Variants in GPR84 observed in about 807,000 individuals in gnomAD.
GPR84 encodes G-protein coupled receptor 84.
Under a neutral mutation model 14.9 loss-of-function variants are expected in GPR84, and 8 were observed. That is an observed-to-expected ratio of 0.54 (90% CI 0.31 to 0.97). The LOEUF (loss-of-function observed/expected upper bound fraction) is 0.97, where lower values mean the gene tolerates loss of function less well. GPR84 is among the 50% of genes least tolerant of loss of function. GPR84 has a pLI of 0.04. For synonymous variants in GPR84, 164 were observed against 198.1 expected (o/e 0.83, Z 1.45); for missense variants, 424 against 498.7 (o/e 0.85, Z 1.43).
Position 54,362,835 on chromosome 12 carries a change from G to C in GPR84, c.1017C>G (p.Asn339Lys). ...ALSYIPFLLL[N>K]ILDARVQAPR... Reference sequence around the variant, plus strand: ...GAGCCTGGACTCTGGCATCCAGAATGTTGAGCAGCAAGAAGGGGATGTAGC... The same window carrying C: ...GAGCCTGGACTCTGGCATCCAGAATCTTGAGCAGCAAGAAGGGGATGTAGC... Residue 339 changes from asparagine (N) to lysine (K), a missense_variant, in exon 2 of 2, where the codon AAC becomes AAG. Physicochemically the swap from Asn to Lys is moderately conservative, Grantham distance 94. Coordinates refer to ENST00000267015, the MANE Select transcript of GPR84 (RefSeq NM_020370.3). The surrounding 1 kb of genome is among the most constrained non-coding windows in gnomAD (Gnocchi z 4.0). The C allele has an allele frequency of 6.2e-7, 1 of 1,614,244 alleles. No homozygotes were observed. The highest frequency in any genetic ancestry group is 1.1e-5 in the South Asian group (1 of 91,078).
downstream of GPR84, among the ~76,000 whole-genome samples, chr12:54,360,767 AG>A (rs1954260295): frequency 6.6e-6 from 1 of 152,216 alleles, no homozygotes; most frequent in African/African-American, 2.4e-5. Context: ...ATGCAGCCAG[AG>A]CATTAAGGTC....
the GPR84 span, among the ~76,000 whole-genome samples, chr12:54,352,047 AGGGGT>A: frequency 6.6e-6 from 1 of 151,688 alleles, no homozygotes; most frequent in African/African-American, 2.4e-5. Context: ...AATTGGCGCC[AGGGGT>A]GGGGTGGGGA....
chr12:54,362,719 C>A lies in GPR84; in HGVS notation c.1133G>T (p.Arg378Leu), dbSNP rs137983696. 1 of 1,613,800 alleles carries A rather than the reference C, an allele frequency of 6.2e-7. No homozygotes were observed. The highest frequency in any genetic ancestry group is 8.5e-7 in the Non-Finnish European group (1 of 1,179,782). Residue 378 changes from arginine to leucine, a missense_variant, in exon 2 of 2, where the codon CGC becomes CTC. Physicochemically the swap from Arg to Leu is moderately radical, Grantham distance 102. Coordinates refer to ENST00000267015, the MANE Select transcript of GPR84 (RefSeq NM_020370.3). The surrounding 1 kb of genome is among the most constrained non-coding windows in gnomAD (Gnocchi z 4.0). ...TTTTAAAATGGAGCCATATGCTTGG[C>A]GGAATTGGCGGTTCATGGCTGCATA... is the stretch of plus-strand genomic sequence containing the variant. ...VLYAAMNRQF[R>L]QAYGSILKRG... is the part of the protein sequence containing the mutation.
chr12:54,362,569 C>T lies in GPR84; in HGVS notation c.*92G>A, dbSNP rs1954280134. The T allele has an allele frequency of 5.2e-6, 4 of 775,686 alleles. No individual in the cohort carries two copies. Among genetic ancestry groups the T allele is most frequent in the Admixed American group, 4.6e-5 (2 of 43,224 alleles). The allele number at this position is 775,686 out of a possible 1,614,324, so 48.1% of individuals were successfully genotyped here. A position where few individuals can be genotyped will look rare whatever the true frequency, so the allele number is the denominator to read the frequency against. On this transcript the variant is annotated 3_prime_UTR_variant, in exon 2 of 2. Coordinates refer to ENST00000267015, the MANE Select transcript of GPR84 (RefSeq NM_020370.3). This position sits in a 1 kb window ranked among gnomAD's most constrained non-coding sequence, Gnocchi z 4.0. The stretch of plus-strand genomic sequence containing the variant: ...CTGGGGAGAGATTGTTGTGAAAATG[C>T]CCACATGTGTTATTTCACCTATTCT...
At chr12:54,357,647 T>G (rs971592924), downstream of GPR84, among the ~76,000 whole-genome samples, 2 of 152,212 alleles carry the variant, frequency 1.3e-5, no homozygotes, top group Non-Finnish European at 2.9e-5. Context: ...GAGCCCCACA[T>G]TCCTAGCCTC....
chr12:54,363,244 C>A lies in GPR84; in HGVS notation c.608G>T (p.Arg203Leu), dbSNP rs140399283. Residue 203 changes from arginine to leucine, a missense_variant, in exon 2 of 2, where the codon CGC (arginine) becomes CTC (leucine). Coordinates refer to ENST00000267015, the MANE Select transcript of GPR84 (RefSeq NM_020370.3). Reference sequence around the variant, plus strand: ...TGCCTGTGCTGCTCGTTTGACCTGGCGGTGGATGAGGCAATAGAAGATGCC... The same window carrying A: ...TGCCTGTGCTGCTCGTTTGACCTGGAGGTGGATGAGGCAATAGAAGATGCC... ...SVGIFYCLIH[R>L]QVKRAAQALD... 1 of 1,614,084 alleles carries A rather than the reference C, an allele frequency of 6.2e-7. No homozygotes were observed. The highest frequency in any genetic ancestry group is 8.5e-7 in the Non-Finnish European group (1 of 1,180,010).
At chr12:54,353,291 C>G in the GPR84 span, among the ~76,000 whole-genome samples, 1 of 152,208 alleles carries the variant, frequency 6.6e-6, no homozygotes, top group Non-Finnish European at 1.5e-5. Context: ...CTCTGTCTTT[C>G]TGTTTGTGAG....
chr12:54,362,946 T>C lies in GPR84; in HGVS notation c.906A>G (p.Lys302=). ...AAGAATCCGGAGCTCTTCTGGCTCC[T>C]TTAATTGGCTGGGCTTTGGCAGATG... ...PEASAKAQPI[K]GARRAPDSSS... Residue 302 remains lysine, a synonymous_variant, in exon 2 of 2, where the codon AAA becomes AAG. Transcript: ENST00000267015. This position sits in a 1 kb window ranked among gnomAD's most constrained non-coding sequence, Gnocchi z 4.0. The C allele has an allele frequency of 6.2e-7, 1 of 1,614,236 alleles. No individual in the cohort carries two copies. The highest frequency in any genetic ancestry group is 8.5e-7 in the Non-Finnish European group (1 of 1,180,038).
chr12:54,363,153 G>C lies in GPR84; in HGVS notation c.699C>G (p.Ala233=). ...HSNHVARTDE[A]MPGRFQELDS... ...CCAGCTCCTGGAAACGACCAGGCAT[G>C]GCCTCATCAGTCCTGGCCACATGGT... is the stretch of plus-strand genomic sequence containing the variant. Residue 233 remains alanine (A), a synonymous_variant, in exon 2 of 2, where the codon GCC becomes GCG. Transcript: ENST00000267015. 6.2e-7 allele frequency: 1 copy of C among 1,614,178 alleles called. No individual in the cohort carries two copies. The highest frequency in any genetic ancestry group is 8.5e-7 in the Non-Finnish European group (1 of 1,180,020).
rs1462715453 is a variant in GPR84 at position 54,362,628 on chromosome 12, C to T, written c.*33G>A. On this transcript the variant is annotated 3_prime_UTR_variant, in exon 2 of 2. Transcript: ENST00000267015. The surrounding 1 kb of genome is among the most constrained non-coding windows in gnomAD (Gnocchi z 4.0). ...CTGGCCACTTTGGTCCTGGAGGAGACAGTCCTGAATTCTGGTGACTAGGGT... is the reference window on the plus strand; with the variant it reads ...CTGGCCACTTTGGTCCTGGAGGAGATAGTCCTGAATTCTGGTGACTAGGGT... The T allele has an allele frequency of 1.4e-6, 2 of 1,417,018 alleles. No homozygotes were observed. The highest frequency in any genetic ancestry group is 1.4e-5 in the African/African-American group (1 of 69,880). 87.8% of individuals were successfully genotyped at this position (1,417,018 alleles called of 1,614,324 possible). A position where few individuals can be genotyped will look rare whatever the true frequency, so the allele number is the denominator to read the frequency against.
Position 54,362,651 on chromosome 12 carries a change from G to A in GPR84, c.*10C>T. On this transcript the variant is annotated 3_prime_UTR_variant, in exon 2 of 2. Transcript: ENST00000267015. The surrounding 1 kb of genome is among the most constrained non-coding windows in gnomAD (Gnocchi z 4.0). ...GACAGTCCTGAATTCTGGTGACTAG[G>A]GTCACAGTTCTAATGGAGCCTATGG... 1 of 1,550,400 alleles carries A rather than the reference G, an allele frequency of 6.4e-7. No individual in the cohort carries two copies. The highest frequency in any genetic ancestry group is 8.8e-7 in the Non-Finnish European group (1 of 1,132,250).
chr12:54,355,174 A>G, the GPR84 span, among the ~76,000 whole-genome samples: 1 of 152,114 alleles, frequency 6.6e-6, no homozygotes, highest in Non-Finnish European at 1.5e-5. Flanking sequence ...GGAGAATGAG[A>G]GACACAAAGA....
At chr12:54,359,723 A>C (rs1194526490), downstream of GPR84, among the ~76,000 whole-genome samples, 1 of 152,176 alleles carries the variant, frequency 6.6e-6, no homozygotes, top group Non-Finnish European at 1.5e-5. Flanking sequence ...CGAGGGACCC[A>C]GTGCATGGCC....
the GPR84 span, among the ~76,000 whole-genome samples, chr12:54,352,366 A>T: frequency 1.3e-5 from 2 of 152,052 alleles, no homozygotes; most frequent in Non-Finnish European, 2.9e-5. Context: ...TTATTCGCAC[A>T]AATGAATGTG....
downstream of GPR84, among the ~76,000 whole-genome samples, chr12:54,358,284 G>A (rs1954229529): frequency 6.6e-6 from 1 of 152,116 alleles, no homozygotes; most frequent in South Asian, 2.1e-4. Context: ...TCCTGGGGGA[G>A]GCGCCTGACT....
downstream of GPR84, among the ~76,000 whole-genome samples, chr12:54,362,014 C>T (rs182679071): frequency 7.5e-4 from 115 of 152,338 alleles, no homozygotes; most frequent in Non-Finnish European, 1.5e-3. The surrounding 1 kb of genome is among the most constrained non-coding windows in gnomAD (Gnocchi z 4.0). Context: ...GGCTGGGGGA[C>T]TGGTCCCACT....
Position 54,363,155 on chromosome 12 carries a change from C to A in GPR84, c.697G>T (p.Ala233Ser). 4 of 1,614,194 alleles carry A rather than the reference C, an allele frequency of 2.5e-6. No individual in the cohort carries two copies. Among genetic ancestry groups the A allele is most frequent in the Non-Finnish European group, 3.4e-6 (4 of 1,180,022 alleles). Residue 233 changes from alanine to serine, a missense_variant, in exon 2 of 2, where the codon GCC becomes TCC. Ala to Ser is a moderately conservative substitution (Grantham distance 99). Coordinates refer to ENST00000267015, the MANE Select transcript of GPR84 (RefSeq NM_020370.3). ...HSNHVARTDE[A>S]MPGRFQELDS... is the part of the protein sequence containing the mutation. ...AGCTCCTGGAAACGACCAGGCATGG[C>A]CTCATCAGTCCTGGCCACATGGTTG...
Position 54,363,900 on chromosome 12 carries a change from C to T in GPR84, c.-8-41G>A, listed in dbSNP as rs1197118078. Reference sequence around the variant, plus strand: ...GTGGAAGAGGAAGAGGGAATCAGAACCTAGCATTCAACTTAGATCTCTTGA... The same window carrying T: ...GTGGAAGAGGAAGAGGGAATCAGAATCTAGCATTCAACTTAGATCTCTTGA... On this transcript the variant is annotated intron_variant, in intron 1 of 1. Coordinates refer to ENST00000267015, the MANE Select transcript of GPR84 (RefSeq NM_020370.3). 3 of 1,337,314 alleles carry T rather than the reference C, an allele frequency of 2.2e-6. No homozygotes were observed. The East Asian group carries it at 7.0e-5, about 31-fold the overall frequency. 82.8% of individuals were successfully genotyped at this position (1,337,314 alleles called of 1,614,324 possible).
Position 54,363,107 on chromosome 12 carries a change from C to G in GPR84, c.745G>C (p.Gly249Arg). ...TCAGATGAAATCCCCTCACTGGGTC[C>G]TCCTGATGCTAACCTGCTGTCCAGC... ...QELDSRLASG[G>R]PSEGISSEPV... Residue 249 changes from glycine to arginine, a missense_variant, in exon 2 of 2, where the codon GGA becomes CGA. By Grantham distance (125) the Gly-to-Arg change is moderately radical (BLOSUM62 -2). Transcript: ENST00000267015. 6.2e-7 allele frequency: 1 copy of G among 1,614,228 alleles called. No homozygotes were observed.
Sources: gnomAD v4.1 joint callset for allele counts (sites outside exome capture counted in the v4.1 genomes callset) on GRCh38, gnomAD v4.1.1 for gene constraint, Gnocchi (gnomAD v3.1) non-coding constraint, MANE v1.5 for transcripts, NCBI Gene and HGNC (gene_info 2026-07-23, HGNC 2026-07-21) for gene names.